CTNNA2: variants seen among roughly 807,000 people sequenced by gnomAD.
CTNNA2 encodes catenin alpha-2.
A neutral mutation model predicts 101.0 loss-of-function variants in CTNNA2; 42 were observed. The ratio of observed to expected loss-of-function variants is 0.42; its 90% CI spans 0.32 to 0.54. CTNNA2 has a LOEUF of 0.54. Among genes scored for constraint, CTNNA2 ranks in the 20% least tolerant of loss-of-function variants. The pLI, the probability that CTNNA2 is intolerant of heterozygous loss-of-function variation, is 0.14. For synonymous variants in CTNNA2, 450 were observed against 456.4 expected (o/e 0.99, Z 0.18); for missense variants, 871 against 1,223.1 (o/e 0.71, Z 4.29).
rs185957019 is a variant in CTNNA2, at chr2:80,533,780, C to T, written c.1291-11202C>T. On this transcript the variant is annotated intron_variant, in intron 9 of 18. Coordinates refer to ENST00000402739, the MANE Select transcript of CTNNA2 (RefSeq NM_001282597.3). ...AGTGGAGAGTTGCAAGGTTTTAGTT[C>T]CTCCATGTAAAGATGGAGAAAACAA... Among the ~76,000 whole-genome samples, 695 of 152,186 alleles carry T rather than the reference C, an allele frequency of 4.6e-3. 1 individual carries two copies. The highest frequency in any genetic ancestry group is 0.01 in the Middle Eastern group (3 of 294).
Position 80,313,694 on chromosome 2 carries a change from G to A in CTNNA2, c.1057-79517G>A, listed in dbSNP as rs890632486. ...GGGGTAAGAAAGGAGTGTGAATTTAGTGCCAGATTGGAAAGACTTTCAACT... is the reference window on the plus strand; with the variant it reads ...GGGGTAAGAAAGGAGTGTGAATTTAATGCCAGATTGGAAAGACTTTCAACT... On this transcript the variant is annotated intron_variant, in intron 7 of 18. Coordinates refer to ENST00000402739, the MANE Select transcript of CTNNA2 (RefSeq NM_001282597.3). The A allele has an allele frequency of 1.4e-5, 21 of 1,475,764 alleles. 1 individual carries two copies. In the East Asian group the frequency reaches 1.9e-4, roughly 13 times the overall value. The allele number at this position is 1,475,764 out of a possible 1,614,324, so 91.4% of individuals were successfully genotyped here.
At chr2:79,633,543 G>A (rs1679829784) in intron 1 of CTNNA2, among the ~76,000 whole-genome samples, 1 of 152,234 alleles carries the variant, frequency 6.6e-6, no homozygotes, top group Non-Finnish European at 1.5e-5. Flanking sequence ...TGAATGAGCT[G>A]TGATTACACG....
intron 7 of CTNNA2, among the ~76,000 whole-genome samples, chr2:79,917,054 C>G (rs1452519105): frequency 6.7e-6 from 1 of 150,318 alleles, no homozygotes; most frequent in Non-Finnish European, 1.5e-5. Context: ...TCAAGCAATT[C>G]TCAGCCTTAT....
chr2:79,641,979 T>A (rs1680477155), intron 1 of CTNNA2, among the ~76,000 whole-genome samples: 1 of 152,156 alleles, frequency 6.6e-6, no homozygotes, highest in Admixed American at 6.5e-5. Context: ...AGGCCATGTA[T>A]TATTAGTCTT....
chr2:80,627,313 ATTAGT>A (rs1383749097), intron 18 of CTNNA2, among the ~76,000 whole-genome samples: 1 of 152,182 alleles, frequency 6.6e-6, no homozygotes. Flanking sequence ...CAATGGTTGA[ATTAGT>A]TTATAGTTCC....
intron 11 of CTNNA2, among the ~76,000 whole-genome samples, chr2:80,553,379 C>A (rs1692757836): frequency 6.6e-6 from 1 of 152,012 alleles, no homozygotes; most frequent in African/African-American, 2.4e-5. Flanking sequence ...CTAGCCTGTG[C>A]TGGTTTATTT....
intron 7 of CTNNA2, among the ~76,000 whole-genome samples, chr2:80,014,238 G>C (rs1337783405): frequency 1.1e-4 from 16 of 151,870 alleles, no homozygotes; most frequent in Admixed American, 1.1e-3. Flanking sequence ...TTCTGAAATG[G>C]GATATTAAAT....
chr2:79,996,026 A>G (rs1300740740), intron 7 of CTNNA2, among the ~76,000 whole-genome samples: 2 of 152,200 alleles, frequency 1.3e-5, no homozygotes, highest in African/African-American at 4.8e-5. Flanking sequence ...TGGATTGGAC[A>G]TGAGTAGTAA....
At chr2:80,130,173 C>T (rs1427944892) in intron 7 of CTNNA2, among the ~76,000 whole-genome samples, 1 of 152,126 alleles carries the variant, frequency 6.6e-6, no homozygotes, top group Non-Finnish European at 1.5e-5. Flanking sequence ...TAGTCAAGCT[C>T]TGCTGTTTTA....
chr2:80,494,765 C>T (rs1201147830), intron 9 of CTNNA2, among the ~76,000 whole-genome samples: 2 of 133,870 alleles, frequency 1.5e-5, no homozygotes, highest in Non-Finnish European at 3.3e-5. Flanking sequence ...ATTTATGACT[C>T]ATAGAATAAA....
At chr2:80,177,982 C>A (rs1474998446) in intron 7 of CTNNA2, among the ~76,000 whole-genome samples, 1 of 152,230 alleles carries the variant, frequency 6.6e-6, no homozygotes, top group African/African-American at 2.4e-5. Flanking sequence ...TAGAAAGGGG[C>A]TGTAGTGCTG....
intron 18 of CTNNA2, among the ~76,000 whole-genome samples, chr2:80,633,665 A>G (rs1245574449): frequency 6.6e-6 from 1 of 152,168 alleles, no homozygotes; most frequent in Non-Finnish European, 1.5e-5. Context: ...CAAGTAGACC[A>G]AAAAAAGTTA....
At chr2:80,239,143 A>T (rs1315473136) in intron 7 of CTNNA2, among the ~76,000 whole-genome samples, 1 of 152,168 alleles carries the variant, frequency 6.6e-6, no homozygotes, top group Non-Finnish European at 1.5e-5. Context: ...GTATTTAAAG[A>T]TTACAATTAT....
At chr2:79,513,696 G>A (rs1020872903) in intron 1 of CTNNA2, among the ~76,000 whole-genome samples, 2 of 149,262 alleles carry the variant, frequency 1.3e-5, no homozygotes, top group South Asian at 4.4e-4. Context: ...GGAGGGAGAA[G>A]AGGATCGAAG....
At chr2:80,274,350 A>G (rs1450420626) in intron 7 of CTNNA2, among the ~76,000 whole-genome samples, 1 of 152,212 alleles carries the variant, frequency 6.6e-6, no homozygotes, top group East Asian at 1.9e-4. Flanking sequence ...AATACTCCGT[A>G]TAGCAATAGT....
At chr2:79,308,783 T>G (rs1260762166) in intron 2 of CTNNA2, among the ~76,000 whole-genome samples, 1 of 62,604 alleles carries the variant, frequency 1.6e-5, no homozygotes, top group South Asian at 4.7e-4. Flanking sequence ...CATTTTATGG[T>G]TTTTTTTTTT....
chr2:80,300,531 G>T (rs976390446), intron 7 of CTNNA2, among the ~76,000 whole-genome samples: 1 of 152,046 alleles, frequency 6.6e-6, no homozygotes, highest in East Asian at 1.9e-4. Flanking sequence ...TGCCTCCTAA[G>T]ATTGGTAGCT....
At position 80,303,121 on chromosome 2, in the gene CTNNA2, G is replaced by C; in HGVS notation, c.1057-90090G>C. On this transcript the variant is annotated intron_variant, in intron 7 of 18. Coordinates refer to ENST00000402739, the MANE Select transcript of CTNNA2 (RefSeq NM_001282597.3). The surrounding 1 kb of genome is among the most constrained non-coding windows in gnomAD (Gnocchi z 7.7). Reference sequence around the variant, plus strand: ...TCCGCAGGCAGAGCGAGTGCAGGGAGATGAGGCGCGGGAAGTGGGCGAAGT... The same window carrying C: ...TCCGCAGGCAGAGCGAGTGCAGGGACATGAGGCGCGGGAAGTGGGCGAAGT... The C allele has an allele frequency of 6.2e-7, 1 of 1,614,126 alleles. No individual in the cohort carries two copies. Among genetic ancestry groups the C allele is most frequent in the Admixed American group, 1.7e-5 (1 of 60,016 alleles).
intron 4 of CTNNA2, among the ~76,000 whole-genome samples, chr2:79,384,375 C>A (rs893517928): frequency 8.9e-6 from 1 of 112,468 alleles, no homozygotes; most frequent in African/African-American, 3.4e-5. Flanking sequence ...ATGCATATTT[C>A]TTCTCTCTCT....
Sources: gnomAD v4.1 joint callset for allele counts (sites outside exome capture counted in the v4.1 genomes callset) on GRCh38, gnomAD v4.1.1 for gene constraint, Gnocchi (gnomAD v3.1) non-coding constraint, MANE v1.5 for transcripts, NCBI Gene and HGNC (gene_info 2026-07-23, HGNC 2026-07-21) for gene names.